The following AGO1 variants were observed in gnomAD, a reference collection of about 807,000 sequenced individuals.
AGO1 encodes the protein protein argonaute-1.
A neutral mutation model predicts 109.2 loss-of-function variants in AGO1; 11 were observed. The ratio of observed to expected loss-of-function variants is 0.10; its 90% confidence interval spans 0.06 to 0.17. AGO1 has a LOEUF of 0.17. Ranked by LOEUF, AGO1 falls within the 10% of genes least tolerant of loss-of-function variation. AGO1 has a pLI of 1.00. For missense variants in AGO1, 574 were observed against 1,140.3 expected, an observed-to-expected ratio of 0.50 and a Z score of 7.15; for synonymous variants, 422 against 418.6, an observed-to-expected ratio of 1.01 and a Z score of -0.10.
intron 12 of AGO1, among the ~76,000 whole-genome samples, chr1:35,909,583 T>C (rs987917164): frequency 6.6e-6 from 1 of 152,216 alleles, no homozygotes; most frequent in Non-Finnish European, 1.5e-5. Flanking sequence ...ATACCCAGTT[T>C]AAATACTACT....
rs1645269438 is a variant in AGO1, at chr1:35,893,937, C to T, written c.650-100C>T. ...CTACAGCCCTGGCACCCCCTTCCCCCATCCCAATGCCCTTTAAGGAAGAGG... is the reference window on the plus strand; with the variant it reads ...CTACAGCCCTGGCACCCCCTTCCCCTATCCCAATGCCCTTTAAGGAAGAGG... On this transcript the variant is annotated intron_variant, in intron 5 of 18. Transcript: ENST00000373204. This position sits in a 1 kb window ranked among gnomAD's most constrained non-coding sequence, Gnocchi z 5.6. 6 of 1,521,106 alleles carry T rather than the reference C, an allele frequency of 3.9e-6. No individual in the cohort carries two copies. In the South Asian group the frequency reaches 5.1e-5, roughly 13 times the overall value. The allele number at this position is 1,521,106 out of a possible 1,614,324, so 94.2% of individuals were successfully genotyped here.
chr1:35,880,820 C>T (rs1209918105), upstream of AGO1, among the ~76,000 whole-genome samples: 1 of 152,042 alleles, frequency 6.6e-6, no homozygotes, highest in South Asian at 2.1e-4. Flanking sequence ...CCATTATGCT[C>T]AGCTAATTTT....
chr1:35,898,902 T>A (rs1435444195), intron 8 of AGO1, among the ~76,000 whole-genome samples: 1 of 152,216 alleles, frequency 6.6e-6, no homozygotes, highest in African/African-American at 2.4e-5. Flanking sequence ...AAAATATACA[T>A]AATGTAAAAT....
upstream of AGO1, among the ~76,000 whole-genome samples, chr1:35,879,483 C>T (rs971396036): frequency 2.0e-5 from 3 of 150,660 alleles, no homozygotes; most frequent in African/African-American, 4.9e-5. Context: ...TGCAGCTGGG[C>T]GCAGTGGCTC....
chr1:35,893,068 C>T lies in AGO1; in HGVS notation c.331-29C>T, dbSNP rs910151213. ...TCATTCTCGCAGAGCAATGGCAATC[C>T]TTCATCCCTTTCTTTCACCCTCCTG... On this transcript the variant is annotated intron_variant, in intron 3 of 18. Transcript: ENST00000373204. The surrounding 1 kb of genome is among the most constrained non-coding windows in gnomAD (Gnocchi z 5.6). 8 of 1,605,842 alleles carry T rather than the reference C, an allele frequency of 5.0e-6. No individual in the cohort carries two copies. The African/African-American group carries it at 1.1e-4, about 21-fold the overall frequency.
intron 2 of AGO1, among the ~76,000 whole-genome samples, chr1:35,889,735 C>G (rs999883640): frequency 2.0e-5 from 3 of 152,062 alleles, no homozygotes; most frequent in Admixed American, 1.3e-4. Context: ...GGCGCCATCT[C>G]AGATCACTGC....
In AGO1 at chr1:35,921,561, C is replaced by A. The variant is rs1252219325; in HGVS notation, c.*1954C>A. On this transcript the variant is annotated 3_prime_UTR_variant, in exon 19 of 19. Transcript: ENST00000373204. ...GACCTAGCCCAGGCTTGGAGGCCAG[C>A]TGGAGGAAGAAGGGTCTAAATCCTG... The A allele has an allele frequency of 6.5e-6, 1 of 152,682 alleles. No homozygotes were observed. Among genetic ancestry groups the A allele is most frequent in the Non-Finnish European group, 1.5e-5 (1 of 68,096 alleles). The allele number at this position is 152,682 out of a possible 1,614,324, so 9.5% of individuals were successfully genotyped here. A position where few individuals can be genotyped will look rare whatever the true frequency, so the allele number is the denominator to read the frequency against.
rs1645059915 is a variant in AGO1 at position 35,883,317 on chromosome 1, C to T, written c.-105C>T. On this transcript the variant is annotated 5_prime_UTR_variant, in exon 1 of 19. Coordinates refer to ENST00000373204, the MANE Select transcript of AGO1 (RefSeq NM_012199.5). The surrounding 1 kb of genome is among the most constrained non-coding windows in gnomAD (Gnocchi z 5.4). Reference sequence around the variant, plus strand: ...GAGCGGCCGGGCTTGGTAGGGGAGCCGAGCCCGGCCCGGGATCCCGAGCAG... The same window carrying T: ...GAGCGGCCGGGCTTGGTAGGGGAGCTGAGCCCGGCCCGGGATCCCGAGCAG... 4 of 1,502,894 alleles carry T rather than the reference C, an allele frequency of 2.7e-6. No homozygotes were observed. Among genetic ancestry groups the T allele is most frequent in the Admixed American group, 5.3e-5 (2 of 38,040 alleles). 93.1% of individuals were successfully genotyped at this position (1,502,894 alleles called of 1,614,324 possible). A position where few individuals can be genotyped will look rare whatever the true frequency, so the allele number is the denominator to read the frequency against.
At chr1:35,885,403 C>T (rs1645105111) in intron 1 of AGO1, among the ~76,000 whole-genome samples, 1 of 152,132 alleles carries the variant, frequency 6.6e-6, no homozygotes, top group Non-Finnish European at 1.5e-5. Context: ...GGAGCTAGAA[C>T]CTGCTGTTTG....
In AGO1 at chr1:35,923,284, CTTTT is replaced by C. The variant is rs370557448; in HGVS notation, c.*3683_*3686del. ...AGCTAAGCAGCAGTGTTTTTGGATA[CTTTT>C]TTTTTCTGTTTGTGAATAAGGCCAG... On this transcript the variant is annotated 3_prime_UTR_variant, in exon 19 of 19. Coordinates refer to ENST00000373204, the MANE Select transcript of AGO1 (RefSeq NM_012199.5). 6.6e-6 allele frequency: 1 copy of C among 151,716 alleles called. No individual in the cohort carries two copies. Among genetic ancestry groups the C allele is most frequent in the Non-Finnish European group, 1.5e-5 (1 of 67,924 alleles). 9.4% of individuals were successfully genotyped at this position (151,716 alleles called of 1,614,324 possible).
In AGO1 at chr1:35,915,461, C is replaced by G. The variant is rs1296384917; in HGVS notation, c.1947C>G (p.Ile649Met). The change falls in exon 15 of 19, where the codon ATC (isoleucine) becomes ATG (methionine). Residue 649 changes from isoleucine (I) to methionine (M), a missense_variant. This residue lies in a region of AGO1 where 45 missense variants were observed against 61.3 expected (regional missense o/e 0.73). Transcript: ENST00000373204. ...DLSYMVRELL[I>M]QFYKSTRFKP... Reference sequence around the variant, plus strand: ...CCTACATGGTGCGTGAGCTCCTCATCCAATTCTACAAGTCCACCCGTTTCA... The same window carrying G: ...CCTACATGGTGCGTGAGCTCCTCATGCAATTCTACAAGTCCACCCGTTTCA... 3.7e-6 allele frequency: 6 copies of G among 1,614,158 alleles called. No individual in the cohort carries two copies. Among genetic ancestry groups the G allele is most frequent in the Non-Finnish European group, 5.1e-6 (6 of 1,180,032 alleles).
chr1:35,883,688 G>T lies in AGO1; in HGVS notation c.25+242G>T, dbSNP rs1006855352. ...AGTCCTGCGGGTTGGAAGTAATCTG[G>T]GAGAAGGGCCTGCACGCACGGAAGG... On this transcript the variant is annotated intron_variant, in intron 1 of 18. Coordinates refer to ENST00000373204, the MANE Select transcript of AGO1 (RefSeq NM_012199.5). The surrounding 1 kb of genome is among the most constrained non-coding windows in gnomAD (Gnocchi z 5.4). 3.3e-5 allele frequency among the ~76,000 whole-genome samples: 5 copies of T among 152,184 alleles called. No individual in the cohort carries two copies. Among genetic ancestry groups the T allele is most frequent in the African/African-American group, 1.2e-4 (5 of 41,450 alleles).
chr1:35,918,272 G>C, intron 16 of AGO1, 50 bp from the exon 17 acceptor site: 1 of 1,469,778 alleles, frequency 6.8e-7, no homozygotes, highest in African/African-American at 1.4e-5. Context: ...CAGGGTCCTG[G>C]TTAGGGCCAG....
intron 15 of AGO1, 60 bp from the exon 16 acceptor site, chr1:35,917,533 A>G (rs1645755211): frequency 1.3e-6 from 2 of 1,566,876 alleles, no homozygotes; most frequent in East Asian, 4.5e-5. Context: ...TCAGAAGGGT[A>G]TGTGAACTCA....
intron 1 of AGO1, among the ~76,000 whole-genome samples, chr1:35,887,663 T>C (rs1346157043): frequency 6.6e-6 from 1 of 152,236 alleles, no homozygotes; most frequent in East Asian, 1.9e-4. Flanking sequence ...ATTCAAGCTT[T>C]TTTTTTTATC....
rs562270858 is a variant in AGO1, at chr1:35,915,625, T to C, written c.2028+83T>C. 4 of 1,305,276 alleles carry C rather than the reference T, an allele frequency of 3.1e-6. No individual in the cohort carries two copies. The African/African-American group carries it at 5.8e-5, about 19-fold the overall frequency. 80.9% of individuals were successfully genotyped at this position (1,305,276 alleles called of 1,614,324 possible). A position where few individuals can be genotyped will look rare whatever the true frequency, so the allele number is the denominator to read the frequency against. On this transcript the variant is annotated intron_variant, in intron 15 of 18. Transcript: ENST00000373204. Reference sequence around the variant, plus strand: ...ACTACCTTTTCTAAGCTATTGGCACTGAGAGGTGTGTCACTTCTTAGTGAG... The same window carrying C: ...ACTACCTTTTCTAAGCTATTGGCACCGAGAGGTGTGTCACTTCTTAGTGAG...
chr1:35,920,440 A>C lies in AGO1; in HGVS notation c.*833A>C, dbSNP rs1030205426. ...AACCTTTTGTACCTTTCTTTGGGGAATGGGGTGGGGGTGGGAGAGGAGGTA... is the reference window on the plus strand; with the variant it reads ...AACCTTTTGTACCTTTCTTTGGGGACTGGGGTGGGGGTGGGAGAGGAGGTA... On this transcript the variant is annotated 3_prime_UTR_variant, in exon 19 of 19. Coordinates refer to ENST00000373204, the MANE Select transcript of AGO1 (RefSeq NM_012199.5). 6.8e-6 allele frequency: 1 copy of C among 147,050 alleles called. No individual in the cohort carries two copies. The highest frequency in any genetic ancestry group is 1.5e-5 in the Non-Finnish European group (1 of 66,094). The allele number at this position is 147,050 out of a possible 1,614,324, so 9.1% of individuals were successfully genotyped here.
chr1:35,917,391 A>T (rs974845799), intron 15 of AGO1, among the ~76,000 whole-genome samples: 8 of 152,182 alleles, frequency 5.3e-5, no homozygotes, highest in Admixed American at 5.2e-4. Context: ...CCAAGGTTTT[A>T]TAGGAGCATA....
At chr1:35,882,675 C>T (rs1230596074), upstream of AGO1, among the ~76,000 whole-genome samples, 3 of 152,118 alleles carry the variant, frequency 2.0e-5, no homozygotes, top group African/African-American at 7.2e-5. This position sits in a 1 kb window ranked among gnomAD's most constrained non-coding sequence, Gnocchi z 5.1. Flanking sequence ...CAGGGTAGGC[C>T]GCGTCTCTAC....
Sources: allele counts gnomAD v4.1 joint callset (sites outside exome capture counted in the v4.1 genomes callset), GRCh38; gene constraint gnomAD v4.1.1; regional missense constraint gnomAD v4.1.1; non-coding constraint Gnocchi (gnomAD v3.1); transcripts MANE v1.5; gene names NCBI Gene and HGNC (gene_info 2026-07-23, HGNC 2026-07-21).